The following ZNRF1 variants were observed in gnomAD, a reference collection of about 807,000 sequenced individuals.
The protein encoded by ZNRF1 is E3 ubiquitin-protein ligase ZNRF1.
In ZNRF1, 3 loss-of-function variants were observed where a neutral mutation model predicts 18.4. That is an observed-to-expected ratio of 0.16 (90% confidence interval 0.07 to 0.42). The LOEUF (loss-of-function observed/expected upper bound fraction) is 0.42. Ranked by LOEUF, ZNRF1 falls within the 10% of genes least tolerant of loss-of-function variation. ZNRF1 has a pLI of 0.99. For missense variants in ZNRF1, 310 were observed against 329.8 expected (o/e 0.94, Z 0.47); for synonymous variants, 157 against 144.2 (o/e 1.09, Z -0.64).
At chr16:75,060,595 C>T (rs1046722302) in intron 1 of ZNRF1, among the ~76,000 whole-genome samples, 1 of 150,766 alleles carries the variant, frequency 6.6e-6, no homozygotes, top group Non-Finnish European at 1.5e-5. Context: ...TCTCCTGCCT[C>T]CCTCCCAAGT....
chr16:75,030,865 G>A (rs1182103467), intron 1 of ZNRF1, among the ~76,000 whole-genome samples: 2 of 134,340 alleles, frequency 1.5e-5, no homozygotes. Context: ...TGTTAAGACG[G>A]AGCCTCGCTC....
chr16:75,067,712 T>A (rs75975096), intron 1 of ZNRF1, among the ~76,000 whole-genome samples: 4,297 of 152,282 alleles, frequency 0.028, 188 homozygotes, highest in African/African-American at 0.093. Context: ...GGGAGAAGGA[T>A]GGATTGCTTA....
intron 1 of ZNRF1, among the ~76,000 whole-genome samples, chr16:75,025,182 C>T (rs879652990): frequency 2.6e-5 from 4 of 152,154 alleles, no homozygotes; most frequent in Non-Finnish European, 5.9e-5. Flanking sequence ...ATTCTCCTGC[C>T]TCAGCCTCTT....
At chr16:75,011,703 G>T (rs887337403) in intron 1 of ZNRF1, among the ~76,000 whole-genome samples, 1 of 152,202 alleles carries the variant, frequency 6.6e-6, no homozygotes, top group African/African-American at 2.4e-5. Flanking sequence ...CCTGTGATAA[G>T]GGCTGACTTG....
chr16:75,062,324 GCC>G lies in ZNRF1; in HGVS notation c.425-31247_425-31246del, dbSNP rs2035754018. 2.6e-5 allele frequency among the ~76,000 whole-genome samples: 4 copies of G among 152,266 alleles called. No individual in the cohort carries two copies. The South Asian group carries it at 8.3e-4, about 31-fold the overall frequency. ...AGAGGCCCGTGACCATCAAGCACCA[GCC>G]TCTCAAGGCATCTCTGAAGGCAGCT... On this transcript the variant is annotated intron_variant, in intron 1 of 4. Transcript: ENST00000335325.
chr16:75,031,832 A>C (rs1329804347), intron 1 of ZNRF1, among the ~76,000 whole-genome samples: 2 of 152,184 alleles, frequency 1.3e-5, no homozygotes, highest in African/African-American at 4.8e-5. Context: ...TTGCTCGGTC[A>C]GTTCTACTGT....
chr16:75,106,349 CTG>C (rs1330987529), intron 3 of ZNRF1, 131 bp from the exon 4 acceptor site: 1 of 819,758 alleles, frequency 1.2e-6, no homozygotes, highest in Non-Finnish European at 2.0e-6. Context: ...GGGGACATGA[CTG>C]TGTTTCCCTG....
At chr16:75,105,227 T>G (rs1052265073) in intron 3 of ZNRF1, 6 of 271,158 alleles carry the variant, frequency 2.2e-5, no homozygotes, top group African/African-American at 1.1e-4. Flanking sequence ...CTGCCTCTTC[T>G]TCCTCTACGG....
rs116666804 is a variant in ZNRF1, at chr16:75,026,973, G to A, written c.424+26878G>A. On this transcript the variant is annotated intron_variant, in intron 1 of 4. Coordinates refer to ENST00000335325, the MANE Select transcript of ZNRF1 (RefSeq NM_032268.5). ...ATTTATTTCATCTTATTAAGTGCCCGGCACAGTTCTAAATGCTTAACATTC... is the reference window on the plus strand; with the variant it reads ...ATTTATTTCATCTTATTAAGTGCCCAGCACAGTTCTAAATGCTTAACATTC... Among the ~76,000 whole-genome samples, 1,202 of 151,714 alleles carry A rather than the reference G, an allele frequency of 7.9e-3. 24 individuals are homozygous for A. The highest frequency in any genetic ancestry group is 0.027 in the African/African-American group (1,124 of 41,362).
At chr16:75,103,133 G>C (rs2036272237) in intron 2 of ZNRF1, among the ~76,000 whole-genome samples, 1 of 152,180 alleles carries the variant, frequency 6.6e-6, no homozygotes, top group Non-Finnish European at 1.5e-5. Flanking sequence ...ATCCCTGCTA[G>C]TCTGTGAGCT....
At chr16:75,072,409 C>T (rs112486197) in intron 1 of ZNRF1, among the ~76,000 whole-genome samples, 4 of 152,296 alleles carry the variant, frequency 2.6e-5, no homozygotes, top group African/African-American at 9.6e-5. Context: ...TGCCTTGTCC[C>T]TGTCGTAATG....
At position 75,108,084 on chromosome 16, in the gene ZNRF1, C is replaced by T; in HGVS notation, c.*384C>T. The T allele has an allele frequency of 3.6e-6, 1 of 275,756 alleles. No individual in the cohort carries two copies. Among genetic ancestry groups the T allele is most frequent in the South Asian group, 3.1e-5 (1 of 32,076 alleles). The allele number at this position is 275,756 out of a possible 1,614,324, so 17.1% of individuals were successfully genotyped here. ...ATGTTTACAGCTTGCTGTTTGCTGC[C>T]CAGCCATAACCCACTCAGTGACAGA... On this transcript the variant is annotated 3_prime_UTR_variant, in exon 5 of 5. Coordinates refer to ENST00000335325, the MANE Select transcript of ZNRF1 (RefSeq NM_032268.5).
At chr16:75,074,651 T>C (rs78025782) in intron 1 of ZNRF1, among the ~76,000 whole-genome samples, 6,813 of 152,210 alleles carry the variant, frequency 0.045, 513 homozygotes, top group African/African-American at 0.16. Context: ...AACCAAGACA[T>C]GGACACCTCA....
chr16:75,090,824 G>GT (rs1164507536), intron 1 of ZNRF1, among the ~76,000 whole-genome samples: 1 of 152,170 alleles, frequency 6.6e-6, no homozygotes, highest in Non-Finnish European at 1.5e-5. Flanking sequence ...AAGTGGTTGC[G>GT]TCAGTTAGCC....
Position 75,021,309 on chromosome 16 carries a change from G to A in ZNRF1, c.424+21214G>A, listed in dbSNP as rs567052350. On this transcript the variant is annotated intron_variant, in intron 1 of 4. Coordinates refer to ENST00000335325, the MANE Select transcript of ZNRF1 (RefSeq NM_032268.5). Reference sequence around the variant, plus strand: ...CTGCCTCGGCCTCCCACGATGCTGGGATTACAGGCGTGAGCCAGGCGCCTG... The same window carrying A: ...CTGCCTCGGCCTCCCACGATGCTGGAATTACAGGCGTGAGCCAGGCGCCTG... Among the ~76,000 whole-genome samples the A allele has an allele frequency of 1.1e-4, 16 of 152,326 alleles. No individual in the cohort carries two copies. In the East Asian group the frequency reaches 2.3e-3, roughly 22 times the overall value.
At chr16:75,061,369 G>A (rs910966990) in intron 1 of ZNRF1, among the ~76,000 whole-genome samples, 1 of 150,680 alleles carries the variant, frequency 6.6e-6, no homozygotes, top group African/African-American at 2.4e-5. Context: ...CAATTGTTTT[G>A]GTTTTTAGAT....
chr16:75,022,136 T>G (rs1052944017), intron 1 of ZNRF1, among the ~76,000 whole-genome samples: 1 of 152,144 alleles, frequency 6.6e-6, no homozygotes, highest in Non-Finnish European at 1.5e-5. Context: ...GCACCTGTAA[T>G]CCCAGCTACT....
chr16:75,044,281 A>G (rs2035486590), intron 1 of ZNRF1, among the ~76,000 whole-genome samples: 1 of 151,952 alleles, frequency 6.6e-6, no homozygotes, highest in Admixed American at 6.6e-5. Context: ...CCAGGCTAGA[A>G]TTGCACAGCT....
intron 1 of ZNRF1, among the ~76,000 whole-genome samples, chr16:75,023,371 C>T (rs1567469062): frequency 6.6e-6 from 1 of 152,164 alleles, no homozygotes. Context: ...GACTGGACTC[C>T]AGATACACCA....
Sources: allele counts gnomAD v4.1 joint callset (sites outside exome capture counted in the v4.1 genomes callset), GRCh38; gene constraint gnomAD v4.1.1; transcripts MANE v1.5; gene names NCBI Gene and HGNC (gene_info 2026-07-23, HGNC 2026-07-21).